The following DTWD2 variants were observed in gnomAD, a reference collection of about 807,000 sequenced individuals.
DTWD2 encodes the protein tRNA-uridine aminocarboxypropyltransferase 2.
Under a neutral mutation model 31.8 loss-of-function variants are expected in DTWD2, and 39 were observed. That is an observed-to-expected ratio of 1.22 (90% CI 0.95 to 1.60). DTWD2 has a LOEUF of 1.60. Ranked by LOEUF, DTWD2 falls within the 40% of genes most tolerant of loss-of-function variation. The pLI, the probability that DTWD2 is intolerant of heterozygous loss-of-function variation, is 0.00. For missense variants in DTWD2, 515 were observed against 381.5 expected, an observed-to-expected ratio of 1.35 and a Z score of -2.92; for synonymous variants, 180 against 142.8, an observed-to-expected ratio of 1.26 and a Z score of -1.86.
At chr5:118,929,205 C>T (rs914974261) in intron 3 of DTWD2, among the ~76,000 whole-genome samples, 1 of 151,248 alleles carries the variant, frequency 6.6e-6, no homozygotes, top group Non-Finnish European at 1.5e-5. Flanking sequence ...TCAAATTCAC[C>T]TTTGTTAAAG....
At chr5:118,931,480 T>C (rs894324529) in intron 3 of DTWD2, among the ~76,000 whole-genome samples, 6 of 150,874 alleles carry the variant, frequency 4.0e-5, no homozygotes, top group Admixed American at 1.3e-4. Flanking sequence ...GAAGGAAACT[T>C]ATGAGGATGA....
At chr5:118,849,342 G>C (rs1005119169) in intron 4 of DTWD2, among the ~76,000 whole-genome samples, 3 of 152,142 alleles carry the variant, frequency 2.0e-5, no homozygotes, top group Non-Finnish European at 4.4e-5. Flanking sequence ...CCTCACTCCA[G>C]TTGGAATGGT....
Position 118,882,277 on chromosome 5 carries a change from G to A in DTWD2, c.598-34059C>T, listed in dbSNP as rs186871690. Among the ~76,000 whole-genome samples the A allele has an allele frequency of 3.3e-5, 5 of 152,322 alleles. No individual in the cohort carries two copies. The East Asian group carries it at 9.6e-4, about 29-fold the overall frequency. ...ACATGCAGGGCAAGTTGATGCAACAGGAGGGCTTCCAAAGTCTTGCACATC... is the reference window on the plus strand; with the variant it reads ...ACATGCAGGGCAAGTTGATGCAACAAGAGGGCTTCCAAAGTCTTGCACATC... On this transcript the variant is annotated intron_variant, in intron 4 of 5. Transcript: ENST00000510708.
At chr5:118,902,072 A>G (rs1753222789) in intron 4 of DTWD2, among the ~76,000 whole-genome samples, 1 of 152,226 alleles carries the variant, frequency 6.6e-6, no homozygotes, top group African/African-American at 2.4e-5. Flanking sequence ...ATATAATCAC[A>G]TAACAATCCC....
intron 4 of DTWD2, among the ~76,000 whole-genome samples, chr5:118,913,157 C>T (rs1021157497): frequency 6.6e-5 from 10 of 151,940 alleles, no homozygotes; most frequent in African/African-American, 2.2e-4. Context: ...ATATTGCCAC[C>T]TCAGGTATAA....
chr5:118,905,006 C>A (rs1163469285), intron 4 of DTWD2, among the ~76,000 whole-genome samples: 1 of 152,040 alleles, frequency 6.6e-6, no homozygotes, highest in Non-Finnish European at 1.5e-5. Context: ...CAAGAAACTT[C>A]CAAAGCATAT....
At chr5:118,893,185 G>A (rs925214937) in intron 4 of DTWD2, among the ~76,000 whole-genome samples, 3 of 151,840 alleles carry the variant, frequency 2.0e-5, no homozygotes, top group African/African-American at 7.3e-5. Context: ...GACTAGCCTC[G>A]CCAACATGGT....
At chr5:118,857,517 G>A (rs1337181449) in intron 4 of DTWD2, among the ~76,000 whole-genome samples, 3 of 152,038 alleles carry the variant, frequency 2.0e-5, no homozygotes, top group Non-Finnish European at 4.4e-5. Flanking sequence ...AAATTGGGCT[G>A]TCTTCTTATT....
At chr5:118,845,313 G>A (rs1340859667) in intron 5 of DTWD2, among the ~76,000 whole-genome samples, 1 of 152,124 alleles carries the variant, frequency 6.6e-6, no homozygotes, top group African/African-American at 2.4e-5. Context: ...TTCCTCCCCA[G>A]GAGGGAAAGA....
chr5:118,979,353 C>A (rs1755240579), intron 1 of DTWD2, among the ~76,000 whole-genome samples: 1 of 151,958 alleles, frequency 6.6e-6, no homozygotes, highest in Admixed American at 6.6e-5. Context: ...GGTCAAAAAA[C>A]AACAGATGCT....
Position 118,913,410 on chromosome 5 carries a change from GATAT to G in DTWD2, c.597+15123_597+15126del, listed in dbSNP as rs1753503128. On this transcript the variant is annotated intron_variant, in intron 4 of 5. Transcript: ENST00000510708. ...AACCATATATATATAGATATATATA[GATAT>G]ATATAGATATATATATATACACACA... Among the ~76,000 whole-genome samples the G allele has an allele frequency of 9.1e-5, 12 of 132,380 alleles. No homozygotes were observed. The Admixed American group carries it at 9.3e-4, about 10-fold the overall frequency. 86.8% of individuals were successfully genotyped at this position (132,380 alleles called of 152,430 possible). A position where few individuals can be genotyped will look rare whatever the true frequency, so the allele number is the denominator to read the frequency against.
intron 4 of DTWD2, among the ~76,000 whole-genome samples, chr5:118,909,851 C>T (rs1486604344): frequency 1.3e-5 from 2 of 152,236 alleles, no homozygotes; most frequent in African/African-American, 4.8e-5. Context: ...GTACTTAGCA[C>T]TCCATGCCAC....
In DTWD2 at chr5:118,972,041, C is replaced by T. The variant is rs190290900; in HGVS notation, c.218+16253G>A. ...GCTAGTAAGATCTCAAATCAACAAC[C>T]GAACATCACAACTAAAAGAACTAGA... is the stretch of plus-strand genomic sequence containing the variant. On this transcript the variant is annotated intron_variant, in intron 1 of 5. Coordinates refer to ENST00000510708, the MANE Select transcript of DTWD2 (RefSeq NM_173666.4). Among the ~76,000 whole-genome samples, 243 of 152,122 alleles carry T rather than the reference C, an allele frequency of 1.6e-3. 1 individual carries two copies. The highest frequency in any genetic ancestry group is 5.5e-3 in the African/African-American group (228 of 41,496).
At chr5:118,852,137 A>C (rs1422998591) in intron 4 of DTWD2, among the ~76,000 whole-genome samples, 1 of 152,184 alleles carries the variant, frequency 6.6e-6, no homozygotes, top group East Asian at 1.9e-4. Flanking sequence ...GGCTCTCTGC[A>C]AGAAGAAAAA....
chr5:118,921,288 G>GC (rs2149575383), intron 4 of DTWD2, among the ~76,000 whole-genome samples: 1 of 152,176 alleles, frequency 6.6e-6, no homozygotes, highest in Non-Finnish European at 1.5e-5. Context: ...GAGGCAGGGG[G>GC]ATTGCTTGAA....
At chr5:118,933,754 T>C (rs1216361247) in intron 3 of DTWD2, among the ~76,000 whole-genome samples, 2 of 152,066 alleles carry the variant, frequency 1.3e-5, no homozygotes, top group African/African-American at 4.8e-5. Flanking sequence ...CCACTGCTAT[T>C]CAATCCCTAG....
chr5:118,881,071 AACAT>A (rs1752729344), intron 4 of DTWD2, among the ~76,000 whole-genome samples: 1 of 152,198 alleles, frequency 6.6e-6, no homozygotes. Flanking sequence ...AATGCATTCT[AACAT>A]ACATCTATTT....
At chr5:118,962,704 T>C (rs1428563671) in intron 1 of DTWD2, among the ~76,000 whole-genome samples, 5 of 152,234 alleles carry the variant, frequency 3.3e-5, no homozygotes, top group African/African-American at 1.2e-4. Context: ...ATTTAACATT[T>C]ATTGCACACT....
rs923043333 is a variant in DTWD2, at chr5:118,849,977, C to A, written c.598-1759G>T. 2.0e-5 allele frequency among the ~76,000 whole-genome samples: 3 copies of A among 151,438 alleles called. No individual in the cohort carries two copies. The South Asian group carries it at 6.3e-4, about 32-fold the overall frequency. On this transcript the variant is annotated intron_variant, in intron 4 of 5. Coordinates refer to ENST00000510708, the MANE Select transcript of DTWD2 (RefSeq NM_173666.4). The stretch of plus-strand genomic sequence containing the variant: ...GGCACGTGTATACCTATGTAGCAAA[C>A]CTGCACATCCTGCACATGTATCCCA...
Sources: allele counts gnomAD v4.1 joint callset (sites outside exome capture counted in the v4.1 genomes callset), GRCh38; gene constraint gnomAD v4.1.1; transcripts MANE v1.5; gene names NCBI Gene and HGNC (gene_info 2026-07-23, HGNC 2026-07-21).